Variants in BUB1B observed in about 807,000 individuals in gnomAD.
BUB1B encodes mitotic checkpoint serine/threonine-protein kinase BUB1 beta.
A neutral mutation model predicts 137.7 loss-of-function variants in BUB1B; 86 were observed. The ratio of observed to expected loss-of-function variants is 0.62; its 90% CI spans 0.52 to 0.75. The LOEUF is 0.75. BUB1B is among the 30% of genes least tolerant of loss of function. The pLI is 0.00. For missense variants in BUB1B, 1,130 were observed against 1,236.9 expected (o/e 0.91, Z 1.30); for synonymous variants, 420 against 417.9 (o/e 1.00, Z -0.06).
At chr15:40,178,954 T>C (rs1165461659) in intron 5 of BUB1B, among the ~76,000 whole-genome samples, 1 of 152,050 alleles carries the variant, frequency 6.6e-6, no homozygotes, top group East Asian at 1.9e-4. Flanking sequence ...ACAATCTAAT[T>C]TTAGAACATT....
chr15:40,210,025 C>T (rs1017521712), intron 17 of BUB1B, 85 bp from the exon 18 acceptor site: 1 of 1,154,112 alleles, frequency 8.7e-7, no homozygotes, highest in African/African-American at 1.5e-5. Flanking sequence ...ACACCAGTGC[C>T]TCTATCCCTT....
chr15:40,218,475 CA>C lies in BUB1B; in HGVS notation c.2871del (p.Asp958IlefsTer2). On this transcript the variant is annotated frameshift_variant, in exon 22 of 23. Coordinates refer to ENST00000287598, the MANE Select transcript of BUB1B (RefSeq NM_001211.6). LOFTEE classifies it high-confidence loss of function. ...SPYQVDLFGI[A>X]DLAHLLLFKE... ...TTTCAGGTAGACCTGTTTGGTATAGCAGATTTAGCACATTTACTATTGTTCA... is the reference window on the plus strand; with the variant it reads ...TTTCAGGTAGACCTGTTTGGTATAGCGATTTAGCACATTTACTATTGTTCA... 1 of 1,613,730 alleles carries C rather than the reference CA, an allele frequency of 6.2e-7. No individual in the cohort carries two copies. The highest frequency in any genetic ancestry group is 1.1e-5 in the South Asian group (1 of 91,014).
chr15:40,213,306 T>C (rs374013458), intron 19 of BUB1B, 26 bp from the exon 20 acceptor site: 8 of 1,612,414 alleles, frequency 5.0e-6, no homozygotes, highest in Non-Finnish European at 6.8e-6. Flanking sequence ...TGAGAAATAG[T>C]GAGTTTTCTG....
At chr15:40,211,518 C>T (rs925138524) in intron 18 of BUB1B, among the ~76,000 whole-genome samples, 3 of 152,260 alleles carry the variant, frequency 2.0e-5, no homozygotes, top group African/African-American at 7.2e-5. Context: ...AATTTTCTGC[C>T]TGGAGCATAT....
chr15:40,176,096 C>T (rs1310643008), intron 4 of BUB1B, among the ~76,000 whole-genome samples: 1 of 152,074 alleles, frequency 6.6e-6, no homozygotes, highest in African/African-American at 2.4e-5. Context: ...CTACAGGCGC[C>T]TTCCACCATG....
intron 4 of BUB1B, among the ~76,000 whole-genome samples, chr15:40,174,310 TAAGC>T (rs974315811): frequency 2.0e-5 from 3 of 152,162 alleles, no homozygotes; most frequent in African/African-American, 4.8e-5. Context: ...CTAATTTAAA[TAAGC>T]AAGAAAAATC....
Position 40,161,070 on chromosome 15 carries a change from TG to T in BUB1B, c.-148del. On this transcript the variant is annotated 5_prime_UTR_variant, in exon 1 of 23. Coordinates refer to ENST00000287598, the MANE Select transcript of BUB1B (RefSeq NM_001211.6). ...ATTTGAAACTTGGCGGCTAGGGGTG[TG>T]GGCTTGAGGTGGCCGGTTTGTTAGG... 1.0e-6 allele frequency: 1 copy of T among 997,132 alleles called. No individual in the cohort carries two copies. Among genetic ancestry groups the T allele is most frequent in the Non-Finnish European group, 1.5e-6 (1 of 685,452 alleles). The allele number at this position is 997,132 out of a possible 1,614,324, so 61.8% of individuals were successfully genotyped here.
At chr15:40,193,468 C>CTTTT (rs555918648) in intron 8 of BUB1B, among the ~76,000 whole-genome samples, 11 of 79,732 alleles carry the variant, frequency 1.4e-4, no homozygotes, top group Admixed American at 3.1e-4. Context: ...CTTATTACCA[C>CTTTT]TTTTTTTTTT....
rs1475844293 is a variant in BUB1B at position 40,170,123 on chromosome 15, T to C, written c.239+2T>C. 6.2e-7 allele frequency: 1 copy of C among 1,611,800 alleles called. No homozygotes were observed. Among genetic ancestry groups the C allele is most frequent in the Non-Finnish European group, 8.5e-7 (1 of 1,177,874 alleles). On this transcript the variant is annotated splice_donor_variant, in intron 3 of 22. Coordinates refer to ENST00000287598, the MANE Select transcript of BUB1B (RefSeq NM_001211.6). LOFTEE classifies it high-confidence loss of function. Reference sequence around the variant, plus strand: ...TGACCCTCTGGATGTTTGGGATAGGTGGGTCTTTTTATTTCACAAGGACAA... The same window carrying C: ...TGACCCTCTGGATGTTTGGGATAGGCGGGTCTTTTTATTTCACAAGGACAA...
Position 40,212,597 on chromosome 15 carries a change from T to C in BUB1B, c.2484T>C (p.Tyr828=). ...DFDHFCSCYQ[Y]QDGCIVWHQY... ...ATCATTTTTGCAGCTGTTATCAATA[T>C]CAAGATGGCTGTATTGTTTGGCACC... The change falls in exon 19 of 23, where the codon TAT becomes TAC. Residue 828 remains tyrosine (Y), a synonymous_variant. Coordinates refer to ENST00000287598, the MANE Select transcript of BUB1B (RefSeq NM_001211.6). The C allele has an allele frequency of 2.5e-6, 4 of 1,613,816 alleles. No homozygotes were observed. Among genetic ancestry groups the C allele is most frequent in the Non-Finnish European group, 2.5e-6 (3 of 1,179,842 alleles).
At chr15:40,208,181 TA>T (rs1208436194) in intron 15 of BUB1B, among the ~76,000 whole-genome samples, 1 of 151,602 alleles carries the variant, frequency 6.6e-6, no homozygotes, top group African/African-American at 2.4e-5. Flanking sequence ...TAACAAATTA[TA>T]AATTATTTAA....
intron 20 of BUB1B, 68 bp from the exon 21 acceptor site, chr15:40,217,427 TA>T: frequency 6.6e-7 from 1 of 1,520,658 alleles, no homozygotes; most frequent in Non-Finnish European, 9.1e-7. Flanking sequence ...CTTTTTTTTT[TA>T]AAGACCAGCT....
intron 22 of BUB1B, among the ~76,000 whole-genome samples, chr15:40,218,815 C>T (rs1198183588): frequency 6.6e-6 from 1 of 152,218 alleles, no homozygotes; most frequent in African/African-American, 2.4e-5. Flanking sequence ...CAGACTACAG[C>T]TATAGTATGG....
rs553119460 is a variant in BUB1B, at chr15:40,167,785, T to TG, written c.180-2277_180-2276insG. Among the ~76,000 whole-genome samples the TG allele has an allele frequency of 2.5e-3, 379 of 152,118 alleles. 2 individuals are homozygous for TG. The highest frequency in any genetic ancestry group is 4.8e-3 in the Admixed American group (74 of 15,282). On this transcript the variant is annotated intron_variant, in intron 2 of 22. Coordinates refer to ENST00000287598, the MANE Select transcript of BUB1B (RefSeq NM_001211.6). ...TTCTGCCTCATTTGTTAGATTTTTT[T>TG]TTTTCCTTTCCTCACTGAATTGCGT...
chr15:40,204,447 T>TC (rs2037612066), intron 14 of BUB1B, among the ~76,000 whole-genome samples: 1 of 151,462 alleles, frequency 6.6e-6, no homozygotes, highest in Admixed American at 6.6e-5. Context: ...TACCTTTTTT[T>TC]TTTTTTAACC....
intron 18 of BUB1B, among the ~76,000 whole-genome samples, chr15:40,211,463 C>T (rs190573454): frequency 3.4e-4 from 51 of 152,202 alleles, no homozygotes; most frequent in Admixed American, 3.9e-4. Flanking sequence ...TAGATCCTTT[C>T]TCTTGACCTG....
chr15:40,178,492 T>A (rs1055302706), intron 5 of BUB1B, among the ~76,000 whole-genome samples: 9 of 152,148 alleles, frequency 5.9e-5, no homozygotes, highest in African/African-American at 2.2e-4. Flanking sequence ...TTATGGTTTA[T>A]CTTGGTGAAT....
At chr15:40,200,847 T>C (rs2037559649) in intron 11 of BUB1B, 84 bp from the exon 12 acceptor site, 2 of 1,129,078 alleles carry the variant, frequency 1.8e-6, no homozygotes, top group South Asian at 1.3e-5. Context: ...TTATATTTAA[T>C]GGAAAAGCCT....
intron 12 of BUB1B, 142 bp downstream of exon 12, chr15:40,201,122 T>C: frequency 2.2e-5 from 15 of 693,082 alleles, no homozygotes; most frequent in Non-Finnish European, 2.4e-6. Flanking sequence ...AGCATATGCT[T>C]TATGATAGGA....
Sources: allele counts gnomAD v4.1 joint callset (sites outside exome capture counted in the v4.1 genomes callset), GRCh38; gene constraint gnomAD v4.1.1; transcripts MANE v1.5; gene names NCBI Gene and HGNC (gene_info 2026-07-23, HGNC 2026-07-21).